Variants in SNTG2 observed in about 807,000 individuals in gnomAD.
SNTG2 encodes the protein gamma-2-syntrophin.
Under a neutral mutation model 70.9 loss-of-function variants are expected in SNTG2, and 74 were observed. The ratio of observed to expected loss-of-function variants is 1.04; its 90% CI spans 0.86 to 1.27. The LOEUF (loss-of-function observed/expected upper bound fraction) is 1.27, where lower values mean the gene tolerates loss of function less well. Ranked by LOEUF, SNTG2 falls within the 50% of genes most tolerant of loss-of-function variation. The pLI is 0.00. For synonymous variants in SNTG2, 278 were observed against 273.8 expected, an observed-to-expected ratio of 1.02 and a Z score of -0.15; for missense variants, 717 against 690.7, an observed-to-expected ratio of 1.04 and a Z score of -0.43.
intron 9 of SNTG2, among the ~76,000 whole-genome samples, chr2:1,233,364 GA>G (rs2148084484): frequency 6.6e-6 from 1 of 152,298 alleles, no homozygotes; most frequent in Non-Finnish European, 1.5e-5. Context: ...CAGATGATTT[GA>G]AAAAGGGTCA....
Position 1,165,637 on chromosome 2 carries a change from T to G in SNTG2, c.499+2T>G. On this transcript the variant is annotated splice_donor_variant, in intron 7 of 16. Transcript: ENST00000308624. LOFTEE classifies it high-confidence loss of function. ...CGGCATTTCTGAAGCTCCCGTTAGG[T>G]AAGTGGGAAGAGGAGAAATGCCAGG... 1 of 1,609,938 alleles carries G rather than the reference T, an allele frequency of 6.2e-7. No individual in the cohort carries two copies. The highest frequency in any genetic ancestry group is 8.5e-7 in the Non-Finnish European group (1 of 1,178,294).
chr2:1,269,756 C>T (rs1022885650), intron 14 of SNTG2, among the ~76,000 whole-genome samples: 9 of 152,096 alleles, frequency 5.9e-5, no homozygotes, highest in African/African-American at 1.9e-4. Context: ...CAGCAATGTG[C>T]CCAGGTGAAT....
At chr2:1,326,557 A>G (rs1444611349) in intron 16 of SNTG2, among the ~76,000 whole-genome samples, 2 of 152,206 alleles carry the variant, frequency 1.3e-5, no homozygotes, top group Non-Finnish European at 2.9e-5. Flanking sequence ...AACAATTAAC[A>G]GACTTCGTAA....
intron 1 of SNTG2, among the ~76,000 whole-genome samples, chr2:969,801 T>C (rs1441868641): frequency 2.0e-5 from 3 of 152,242 alleles, no homozygotes; most frequent in Non-Finnish European, 4.4e-5. Context: ...AATCATATTG[T>C]CTGCAAACAG....
At chr2:1,308,813 G>A (rs1680835730) in intron 15 of SNTG2, among the ~76,000 whole-genome samples, 1 of 152,126 alleles carries the variant, frequency 6.6e-6, no homozygotes, top group Admixed American at 6.5e-5. Context: ...GGGTCAGGTG[G>A]GTGGATAGGG....
chr2:1,127,714 T>A (rs4519559), intron 4 of SNTG2, among the ~76,000 whole-genome samples: 1 of 151,874 alleles, frequency 6.6e-6, no homozygotes, highest in Admixed American at 6.6e-5. Context: ...TGTGTATGTG[T>A]GTGGCTATTG....
In SNTG2 at chr2:1,031,508, T is replaced by TTTTA. The variant is rs1345229584; in HGVS notation, c.73-52009_73-52008insTTAT. 1.0e-4 allele frequency among the ~76,000 whole-genome samples: 6 copies of TTTTA among 57,750 alleles called. 2 individuals carry two copies. Among genetic ancestry groups the TTTTA allele is most frequent in the African/African-American group, 4.6e-4 (5 of 10,960 alleles). 37.9% of individuals were successfully genotyped at this position (57,750 alleles called of 152,430 possible). On this transcript the variant is annotated intron_variant, in intron 1 of 16. Coordinates refer to ENST00000308624, the MANE Select transcript of SNTG2 (RefSeq NM_018968.4). ...GGCTATTTGTATATATAGTTCATTG[T>TTTTA]TATATATATATATATATATATTTTT...
At chr2:995,979 C>T (rs763199455) in intron 1 of SNTG2, among the ~76,000 whole-genome samples, 8 of 152,112 alleles carry the variant, frequency 5.3e-5, no homozygotes, top group Non-Finnish European at 1.2e-4. Context: ...AACATATGAC[C>T]TGAGCAGGTC....
At position 977,283 on chromosome 2, in the gene SNTG2, T is replaced by C. The variant is rs535654344; in HGVS notation, c.72+26215T>C. 2.1e-4 allele frequency among the ~76,000 whole-genome samples: 32 copies of C among 152,378 alleles called. No homozygotes were observed. The East Asian group carries it at 5.0e-3, about 24-fold the overall frequency. On this transcript the variant is annotated intron_variant, in intron 1 of 16. Coordinates refer to ENST00000308624, the MANE Select transcript of SNTG2 (RefSeq NM_018968.4). Reference sequence around the variant, plus strand: ...TTTTCTTGTTATGGCTTATTTGCCCTGCGTTAGAAGATTTTCAAACATGTT... The same window carrying C: ...TTTTCTTGTTATGGCTTATTTGCCCCGCGTTAGAAGATTTTCAAACATGTT...
chr2:1,309,424 G>T (rs1313090274), intron 15 of SNTG2, among the ~76,000 whole-genome samples: 1 of 152,236 alleles, frequency 6.6e-6, no homozygotes, highest in Admixed American at 6.5e-5. Flanking sequence ...CAAAAAGCAA[G>T]ACAAAAACCT....
At chr2:1,028,034 C>A (rs1358053931) in intron 1 of SNTG2, among the ~76,000 whole-genome samples, 2 of 151,378 alleles carry the variant, frequency 1.3e-5, no homozygotes, top group Non-Finnish European at 2.9e-5. Context: ...ACTCATGCAT[C>A]TCTGTTGAGT....
chr2:1,192,270 T>A (rs1672642190), intron 8 of SNTG2, among the ~76,000 whole-genome samples: 1 of 152,170 alleles, frequency 6.6e-6, no homozygotes, highest in African/African-American at 2.4e-5. Flanking sequence ...TAGAAAGGTC[T>A]GAGTGCAGGA....
intron 8 of SNTG2, among the ~76,000 whole-genome samples, chr2:1,207,394 C>T (rs1673701953): frequency 7.6e-6 from 1 of 131,208 alleles, no homozygotes; most frequent in African/African-American, 2.9e-5. Flanking sequence ...GATGATAACC[C>T]AAACCCAACC....
chr2:1,192,728 C>A (rs1359623819), intron 8 of SNTG2, among the ~76,000 whole-genome samples: 1 of 152,138 alleles, frequency 6.6e-6, no homozygotes, highest in East Asian at 1.9e-4. Flanking sequence ...TCGGACTCAT[C>A]TGATCACACC....
intron 1 of SNTG2, among the ~76,000 whole-genome samples, chr2:1,039,890 G>A (rs1157223871): frequency 6.6e-6 from 1 of 152,130 alleles, no homozygotes; most frequent in Non-Finnish European, 1.5e-5. Context: ...GCAGACAGGA[G>A]GCTGGCGGCT....
At chr2:1,251,927 G>A (rs1677798548) in intron 12 of SNTG2, among the ~76,000 whole-genome samples, 1 of 152,348 alleles carries the variant, frequency 6.6e-6, no homozygotes. Context: ...GCTGAGATGG[G>A]AACTGTGGGA....
chr2:1,240,536 C>T (rs1319528404), intron 11 of SNTG2, among the ~76,000 whole-genome samples: 2 of 152,044 alleles, frequency 1.3e-5, no homozygotes, highest in Non-Finnish European at 2.9e-5. Context: ...CTCTTAGGGG[C>T]GTAAGGAAGC....
intron 8 of SNTG2, among the ~76,000 whole-genome samples, chr2:1,201,875 T>C (rs1295036839): frequency 1.3e-5 from 2 of 151,898 alleles, no homozygotes; most frequent in South Asian, 4.2e-4. Flanking sequence ...ATGCAAAGAA[T>C]AGGAGTGAAC....
rs1421393947 is a variant in SNTG2 at position 1,137,873 on chromosome 2, A to G, written c.411+64A>G. 1.7e-5 allele frequency: 24 copies of G among 1,427,988 alleles called. No homozygotes were observed. In the East Asian group the frequency reaches 4.3e-4, roughly 26 times the overall value. The allele number at this position is 1,427,988 out of a possible 1,614,324, so 88.5% of individuals were successfully genotyped here. A position where few individuals can be genotyped will look rare whatever the true frequency, so the allele number is the denominator to read the frequency against. Reference sequence around the variant, plus strand: ...TCTTGTATTTGAATTATTTGTCTCTATAGTTGATATTTCACTGAGTCTATC... The same window carrying G: ...TCTTGTATTTGAATTATTTGTCTCTGTAGTTGATATTTCACTGAGTCTATC... On this transcript the variant is annotated intron_variant, in intron 6 of 16. Coordinates refer to ENST00000308624, the MANE Select transcript of SNTG2 (RefSeq NM_018968.4).
Sources: gnomAD v4.1 joint callset for allele counts (sites outside exome capture counted in the v4.1 genomes callset) on GRCh38, gnomAD v4.1.1 for gene constraint, MANE v1.5 for transcripts, NCBI Gene and HGNC (gene_info 2026-07-23, HGNC 2026-07-21) for gene names.